The following GFI1B variants were observed in gnomAD, a reference collection of about 807,000 sequenced individuals.
The protein encoded by GFI1B is growth factor independent 1B transcriptional repressor.
GFI1B carries 20 observed loss-of-function variants against 35.3 expected under a neutral mutation model. The observed-to-expected ratio is 0.57, with a 90% CI of 0.40 to 0.82. The LOEUF (loss-of-function observed/expected upper bound fraction) is 0.82, where lower values mean the gene tolerates loss of function less well. Ranked by LOEUF, GFI1B falls within the 40% of genes least tolerant of loss-of-function variation. GFI1B has a pLI of 0.00. For synonymous variants in GFI1B, 178 were observed against 177.6 expected (o/e 1.00, Z -0.02); for missense variants, 430 against 446.3 (o/e 0.96, Z 0.33).
intron 1 of GFI1B, among the ~76,000 whole-genome samples, chr9:132,980,393 C>G (rs1050723759): frequency 7.2e-5 from 11 of 152,194 alleles, no homozygotes; most frequent in African/African-American, 2.7e-4. Context: ...CCCTCTTAGT[C>G]TAGAGGGAGG....
chr9:132,966,811 C>T (rs34855604), intron 1 of GFI1B, among the ~76,000 whole-genome samples: 1,781 of 152,312 alleles, frequency 0.012, 38 homozygotes, highest in African/African-American at 0.04. Context: ...AAGCCCACAG[C>T]GTCACCTGTG....
rs1488959563 is a variant in GFI1B at position 132,989,663 on chromosome 9, T to C, written c.649-79T>C. ...TCCTCCAGGCCGCCCCAATGGAGTG[T>C]CCTGTTCCGCAGGGGATCCCGGCCG... On this transcript the variant is annotated intron_variant, in intron 5 of 6. Transcript: ENST00000372122. This position sits in a 1 kb window ranked among gnomAD's most constrained non-coding sequence, Gnocchi z 6.2. 3.3e-6 allele frequency: 4 copies of C among 1,194,442 alleles called. No homozygotes were observed. Among genetic ancestry groups the C allele is most frequent in the Non-Finnish European group, 3.7e-6 (3 of 817,376 alleles). 74.0% of individuals were successfully genotyped at this position (1,194,442 alleles called of 1,614,324 possible).
downstream of GFI1B, among the ~76,000 whole-genome samples, chr9:132,993,257 G>A (rs1374069251): frequency 6.6e-6 from 1 of 152,152 alleles, no homozygotes; most frequent in Admixed American, 6.5e-5. Context: ...TGTTGTCGTT[G>A]CACTCCAGCT....
chr9:132,981,458 C>G (rs938537718), intron 1 of GFI1B, among the ~76,000 whole-genome samples: 1 of 151,952 alleles, frequency 6.6e-6, no homozygotes, highest in Non-Finnish European at 1.5e-5. Flanking sequence ...GGCAACATGG[C>G]AAAACCCCGT....
At chr9:132,963,453 T>G (rs569596762) in intron 1 of GFI1B, among the ~76,000 whole-genome samples, 18 of 152,182 alleles carry the variant, frequency 1.2e-4, no homozygotes, top group African/African-American at 4.3e-4. Flanking sequence ...TGCATTCCAG[T>G]CTGGGCGACA....
At position 132,989,511 on chromosome 9, in the gene GFI1B, C is replaced by A. The variant is rs1849207422; in HGVS notation, c.649-231C>A. 2 of 602,428 alleles carry A rather than the reference C, an allele frequency of 3.3e-6. No individual in the cohort carries two copies. The highest frequency in any genetic ancestry group is 5.9e-6 in the Non-Finnish European group (2 of 338,012). 37.3% of individuals were successfully genotyped at this position (602,428 alleles called of 1,614,324 possible). A position where few individuals can be genotyped will look rare whatever the true frequency, so the allele number is the denominator to read the frequency against. ...GTCAGTCCATCAGTCAATCAACGAA[C>A]ATTTATTGAGGTTTATTTTGAGCGG... On this transcript the variant is annotated intron_variant, in intron 5 of 6. Coordinates refer to ENST00000372122, the MANE Select transcript of GFI1B (RefSeq NM_001377304.1). The surrounding 1 kb of genome is among the most constrained non-coding windows in gnomAD (Gnocchi z 6.2).
chr9:132,989,135 CATCTGCGGCAAA>C lies in GFI1B; in HGVS notation c.587_598del (p.Ile196_Lys199del). 6.2e-7 allele frequency: 1 copy of C among 1,613,868 alleles called. No homozygotes were observed. Among genetic ancestry groups the C allele is most frequent in the Non-Finnish European group, 8.5e-7 (1 of 1,179,822 alleles). On this transcript the variant is annotated inframe_deletion, in exon 5 of 7. Transcript: ENST00000372122. The surrounding 1 kb of genome is among the most constrained non-coding windows in gnomAD (Gnocchi z 6.2). The stretch of plus-strand genomic sequence containing the variant: ...GTGGGACCCGGCCCTTCGCCTGTGA[CATCTGCGGCAAA>C]ACCTTCGGCCACGCTGTGAGCCTGG...
intron 1 of GFI1B, among the ~76,000 whole-genome samples, chr9:132,982,083 A>T (rs544966015): frequency 2.0e-5 from 3 of 152,346 alleles, no homozygotes; most frequent in Non-Finnish European, 4.4e-5. Context: ...AAAGGAAGTC[A>T]AAAAGGTTCT....
chr9:132,979,250 T>A (rs1270209039), intron 1 of GFI1B, among the ~76,000 whole-genome samples: 3 of 43,522 alleles, frequency 6.9e-5, no homozygotes, highest in African/African-American at 2.7e-4. Context: ...GGGACACTTT[T>A]TTTTTTTTTT....
upstream of GFI1B, among the ~76,000 whole-genome samples, chr9:132,976,947 A>AAATAAT (rs532295776): frequency 2.2e-3 from 328 of 151,958 alleles, 1 homozygote; most frequent in African/African-American, 7.8e-3. Flanking sequence ...GTCTCTAAGA[A>AAATAAT]AATAATAATA....
chr9:132,986,918 G>A (rs1017188201), intron 2 of GFI1B, 140 bp downstream of exon 2: 3 of 665,128 alleles, frequency 4.5e-6, no homozygotes, highest in Non-Finnish European at 8.2e-6. Context: ...GTGGGTTGCA[G>A]ATGAAAGGAG....
intron 1 of GFI1B, chr9:132,962,699 G>T (rs764597801): frequency 6.7e-6 from 3 of 445,900 alleles, no homozygotes; most frequent in African/African-American, 2.0e-5. Context: ...CACATATTAT[G>T]TTCTATCAAG....
At chr9:132,986,361 C>T (rs866447063) in intron 1 of GFI1B, among the ~76,000 whole-genome samples, 15 of 152,154 alleles carry the variant, frequency 9.9e-5, no homozygotes, top group African/African-American at 3.6e-4. Flanking sequence ...CGGCACACGG[C>T]GTTCTCCCTG....
At chr9:132,983,249 A>C (rs1848897393) in intron 1 of GFI1B, among the ~76,000 whole-genome samples, 1 of 133,330 alleles carries the variant, frequency 7.5e-6, no homozygotes, top group Non-Finnish European at 1.5e-5. Flanking sequence ...GCTGAAGTGC[A>C]GTGGTGGTGT....
Position 132,990,870 on chromosome 9 carries a change from A to C in GFI1B, c.815-2A>C. 1 of 1,614,056 alleles carries C rather than the reference A, an allele frequency of 6.2e-7. No homozygotes were observed. Among genetic ancestry groups the C allele is most frequent in the Non-Finnish European group, 8.5e-7 (1 of 1,179,964 alleles). On this transcript the variant is annotated splice_acceptor_variant, in intron 6 of 6. Transcript: ENST00000372122. LOFTEE classifies it high-confidence loss of function. The stretch of plus-strand genomic sequence containing the variant: ...TGCTGTGCTGCGCTGCCCTCCCTGC[A>C]GGTGAGAAGCCGCACAAGTGCCAGG...
Position 132,968,718 on chromosome 9 carries a change from C to T in GFI1B, c.-700-4007C>T, listed in dbSNP as rs1296489965. 2.0e-5 allele frequency among the ~76,000 whole-genome samples: 3 copies of T among 152,304 alleles called. No individual in the cohort carries two copies. The South Asian group carries it at 6.2e-4, about 32-fold the overall frequency. On this transcript the variant is annotated intron_variant, in intron 1 of 10. Transcript: ENST00000339463. ...CTGGGTTCTAGATCTTACTTCACCC[C>T]GCTGTACCTCTGCTTTCCCCATTTG...
chr9:132,950,117 A>G (rs540195629), intron 1 of GFI1B, among the ~76,000 whole-genome samples: 13 of 152,014 alleles, frequency 8.6e-5, no homozygotes, highest in Non-Finnish European at 1.8e-4. Flanking sequence ...GTCTCTAAAA[A>G]ATAAAAATAA....
At chr9:132,980,749 T>A (rs1848795408) in intron 1 of GFI1B, among the ~76,000 whole-genome samples, 1 of 152,266 alleles carries the variant, frequency 6.6e-6, no homozygotes, top group Non-Finnish European at 1.5e-5. Flanking sequence ...TAGGGACTCA[T>A]ATAAGGAATC....
intron 1 of GFI1B, chr9:132,962,563 A>C (rs1172605297): frequency 4.3e-6 from 2 of 465,362 alleles, no homozygotes; most frequent in Non-Finnish European, 8.5e-6. Context: ...AAGAAACAAA[A>C]GCAAAAATCA....
Sources: gnomAD v4.1 joint callset for allele counts (sites outside exome capture counted in the v4.1 genomes callset) on GRCh38, gnomAD v4.1.1 for gene constraint, Gnocchi (gnomAD v3.1) non-coding constraint, MANE v1.5 for transcripts, NCBI Gene and HGNC (gene_info 2026-07-23, HGNC 2026-07-21) for gene names.